Variants in ESRRG observed in about 807,000 individuals in gnomAD.
ESRRG encodes the protein estrogen related receptor gamma, also known as estrogen-related receptor gamma.
In ESRRG, 13 loss-of-function variants were observed where a neutral mutation model predicts 44.0. The observed-to-expected ratio is 0.30, with a 90% CI of 0.19 to 0.47. The LOEUF (loss-of-function observed/expected upper bound fraction) is 0.47. ESRRG is among the 20% of genes least tolerant of loss of function. The probability of loss-of-function intolerance (pLI) is 1.00; values close to 1 mark genes in which losing one functional copy is unlikely to be tolerated. For missense variants in ESRRG, 395 were observed against 580.6 expected (o/e 0.68, Z 3.29); for synonymous variants, 215 against 214.6 (o/e 1.00, Z -0.02).
chr1:216,837,757 T>G (rs562108059), intron 2 of ESRRG, among the ~76,000 whole-genome samples: 1 of 152,328 alleles, frequency 6.6e-6, no homozygotes, highest in African/African-American at 2.4e-5. Flanking sequence ...AAAGATGACC[T>G]GTGGGGAGCT....
At chr1:216,937,699 C>T (rs933341742) in intron 2 of ESRRG, among the ~76,000 whole-genome samples, 7 of 152,158 alleles carry the variant, frequency 4.6e-5, no homozygotes, top group Admixed American at 3.3e-4. Context: ...CAACTACTTC[C>T]TGCTGCTTAG....
chr1:216,662,543 A>G (rs1445248668), intron 2 of ESRRG, among the ~76,000 whole-genome samples: 1 of 152,118 alleles, frequency 6.6e-6, no homozygotes, highest in East Asian at 1.9e-4. Flanking sequence ...ACTGTCTTCT[A>G]TGTTAGGGAT....
At chr1:216,882,538 T>C (rs2096461939) in intron 2 of ESRRG, among the ~76,000 whole-genome samples, 1 of 152,150 alleles carries the variant, frequency 6.6e-6, no homozygotes, top group Non-Finnish European at 1.5e-5. Context: ...AGTAAGACCA[T>C]CAAAATGGAA....
At chr1:217,105,409 A>T (rs912319407) in intron 1 of ESRRG, among the ~76,000 whole-genome samples, 1 of 152,148 alleles carries the variant, frequency 6.6e-6, no homozygotes, top group Non-Finnish European at 1.5e-5. Context: ...GTTCAGAGAG[A>T]TGAAATACTT....
chr1:217,047,876 G>A (rs2085174276), intron 1 of ESRRG, among the ~76,000 whole-genome samples: 1 of 152,154 alleles, frequency 6.6e-6, no homozygotes, highest in Admixed American at 6.5e-5. Context: ...TAGGCCAAGG[G>A]AGAGAGAATA....
At chr1:216,574,471 T>C (rs1392627781) in intron 3 of ESRRG, among the ~76,000 whole-genome samples, 1 of 152,150 alleles carries the variant, frequency 6.6e-6, no homozygotes, top group East Asian at 1.9e-4. Flanking sequence ...TATAATATTC[T>C]GTAGTCCAAA....
intron 1 of ESRRG, among the ~76,000 whole-genome samples, chr1:216,722,541 C>T (rs1480741940): frequency 2.0e-5 from 3 of 152,096 alleles, no homozygotes; most frequent in Admixed American, 6.5e-5. Context: ...GACAAATCCA[C>T]ACTCTGAGCA....
At chr1:216,674,631 T>TC (rs1239805516) in intron 2 of ESRRG, among the ~76,000 whole-genome samples, 3 of 150,998 alleles carry the variant, frequency 2.0e-5, no homozygotes, top group Non-Finnish European at 4.4e-5. Flanking sequence ...TTTTTTTTTT[T>TC]TTTGAGACTG....
intron 1 of ESRRG, among the ~76,000 whole-genome samples, chr1:217,109,911 C>T (rs547076449): frequency 2.6e-5 from 4 of 152,298 alleles, no homozygotes; most frequent in Admixed American, 2.0e-4. Flanking sequence ...GCTTCCAGAG[C>T]ACACCATATC....
intron 2 of ESRRG, among the ~76,000 whole-genome samples, chr1:216,651,481 T>C (rs2068937799): frequency 6.6e-6 from 1 of 152,238 alleles, no homozygotes; most frequent in Non-Finnish European, 1.5e-5. Flanking sequence ...TTCTGATTCC[T>C]AATACTTTGG....
At chr1:216,572,601 C>A (rs2061010052) in intron 3 of ESRRG, among the ~76,000 whole-genome samples, 1 of 151,806 alleles carries the variant, frequency 6.6e-6, no homozygotes. Flanking sequence ...GACACCAATA[C>A]AATTAAAGCA....
intron 2 of ESRRG, among the ~76,000 whole-genome samples, chr1:216,664,394 C>A (rs746445631): frequency 4.6e-5 from 7 of 151,292 alleles, no homozygotes; most frequent in Non-Finnish European, 8.8e-5. Context: ...GCACATAGAA[C>A]AATGTGTGAC....
intron 2 of ESRRG, among the ~76,000 whole-genome samples, chr1:216,760,866 G>A (rs1337672778): frequency 6.6e-6 from 1 of 152,098 alleles, no homozygotes; most frequent in African/African-American, 2.4e-5. Context: ...TTATGAGGTG[G>A]TGGGAGGTGA....
upstream of ESRRG, among the ~76,000 whole-genome samples, chr1:216,727,809 T>C (rs766254777): frequency 2.0e-5 from 3 of 151,760 alleles, no homozygotes; most frequent in African/African-American, 4.8e-5. Context: ...ATGGAGCCTA[T>C]ATATAAAAAA....
intron 1 of ESRRG, among the ~76,000 whole-genome samples, chr1:216,954,342 C>T (rs1233543819): frequency 6.6e-6 from 1 of 152,110 alleles, no homozygotes; most frequent in African/African-American, 2.4e-5. Flanking sequence ...TTCAGGAAAG[C>T]TCTGTAAAGA....
In ESRRG at chr1:216,516,668, C is replaced by CACACACACACAGAGAGAGAGAG. The variant is rs376701865; in HGVS notation, c.1132+2483_1132+2484insCTCTCTCTCTCTGTGTGTGTGT. Among the ~76,000 whole-genome samples the CACACACACACAGAGAGAGAGAG allele has an allele frequency of 1.8e-3, 253 of 137,228 alleles. 1 individual carries two copies. The highest frequency in any genetic ancestry group is 6.8e-3 in the African/African-American group (230 of 34,048). The allele number at this position is 137,228 out of a possible 152,430, so 90.0% of individuals were successfully genotyped here. On this transcript the variant is annotated intron_variant, in intron 6 of 6. Transcript: ENST00000408911. ...ACACACACACACACACACACACACACAGAGAGAGAGAGAGAAACGACAAAA... is the reference window on the plus strand; with the variant it reads ...ACACACACACACACACACACACACACACACACACACAGAGAGAGAGAGAGAGAGAGAGAGAGAAACGACAAAA...
intron 2 of ESRRG, among the ~76,000 whole-genome samples, chr1:216,768,480 A>ATCTATCTATCTATCTATCTATCTATCTG (rs1553593170): frequency 0.011 from 1,622 of 150,278 alleles, 17 homozygotes; most frequent in African/African-American, 0.018. Context: ...CTATCTATCT[A>ATCTATCTATCTATCTATCTATCTATCTG]TCTATCTATC....
intron 5 of ESRRG, among the ~76,000 whole-genome samples, chr1:216,544,872 A>G (rs1485773046): frequency 6.6e-6 from 1 of 151,986 alleles, no homozygotes; most frequent in Non-Finnish European, 1.5e-5. Flanking sequence ...TTTAATAAAA[A>G]TTTCTGCATA....
intron 5 of ESRRG, among the ~76,000 whole-genome samples, chr1:216,557,927 A>G (rs1217218587): frequency 6.6e-6 from 1 of 152,184 alleles, no homozygotes; most frequent in Non-Finnish European, 1.5e-5. Flanking sequence ...GATCACAGGT[A>G]TATAAGAGCT....
Sources: allele counts gnomAD v4.1 joint callset (sites outside exome capture counted in the v4.1 genomes callset), GRCh38; gene constraint gnomAD v4.1.1; transcripts MANE v1.5; gene names NCBI Gene and HGNC (gene_info 2026-07-23, HGNC 2026-07-21).